PPARGC1A: variants seen among roughly 807,000 people sequenced by gnomAD.
PPARGC1A encodes the protein peroxisome proliferator-activated receptor gamma coactivator 1-alpha.
In PPARGC1A, 25 loss-of-function variants were observed where a neutral mutation model predicts 88.7. The observed-to-expected ratio is 0.28, with a 90% CI of 0.21 to 0.39. The LOEUF is 0.39. PPARGC1A is among the 10% of genes least tolerant of loss of function. The pLI, the probability that PPARGC1A is intolerant of heterozygous loss-of-function variation, is 1.00. For missense variants in PPARGC1A, 880 were observed against 968.7 expected (o/e 0.91, Z 1.22); for synonymous variants, 363 against 355.6 (o/e 1.02, Z -0.24).
the PPARGC1A span, among the ~76,000 whole-genome samples, chr4:23,955,956 A>G: frequency 6.6e-6 from 1 of 152,108 alleles, no homozygotes; most frequent in South Asian, 2.1e-4. Flanking sequence ...TGAGGTTCAT[A>G]TGTTCTCAAC....
chr4:24,290,697 C>T, the PPARGC1A span, among the ~76,000 whole-genome samples: 1 of 152,072 alleles, frequency 6.6e-6, no homozygotes, highest in Non-Finnish European at 1.5e-5. Context: ...TAGAATGATG[C>T]TTGGCACATA....
chr4:23,850,918 C>T (rs1729171642), intron 2 of PPARGC1A, among the ~76,000 whole-genome samples: 1 of 152,076 alleles, frequency 6.6e-6, no homozygotes. Flanking sequence ...ACTGTTTTAC[C>T]TTTATAGGTA....
chr4:23,802,309 G>T lies in PPARGC1A; in HGVS notation c.2056C>A (p.Pro686Thr). Residue 686 changes from proline to threonine, a missense_variant, in exon 11 of 13, where the codon CCT becomes ACT. Pro to Thr is a conservative substitution (Grantham distance 38). Coordinates refer to ENST00000264867, the MANE Select transcript of PPARGC1A (RefSeq NM_013261.5). ...RRVIYVGKIRPDTTRTELRDR... is the reference protein window; with the variant it reads ...RRVIYVGKIRTDTTRTELRDR... ...CTCAGTTCTGTCCGTGTTGTGTCAG[G>T]TCTGATTTTACCGACATAAATCACA... 6.2e-7 allele frequency: 1 copy of T among 1,613,594 alleles called. No individual in the cohort carries two copies. The highest frequency in any genetic ancestry group is 8.5e-7 in the Non-Finnish European group (1 of 1,179,862).
chr4:23,848,593 T>C (rs1263180938), intron 2 of PPARGC1A, among the ~76,000 whole-genome samples: 3 of 152,180 alleles, frequency 2.0e-5, no homozygotes, highest in African/African-American at 7.2e-5. Flanking sequence ...TAGCAATTGA[T>C]AGCAAAATAA....
intron 10 of PPARGC1A, among the ~76,000 whole-genome samples, chr4:23,812,385 C>G (rs61268259): frequency 6.6e-6 from 1 of 151,982 alleles, no homozygotes; most frequent in Non-Finnish European, 1.5e-5. Context: ...CCTCATTTTC[C>G]GCTCAAAGAG....
At chr4:23,820,621 T>C (rs1209923239) in intron 7 of PPARGC1A, 1 of 437,682 alleles carries the variant, frequency 2.3e-6, no homozygotes, top group African/African-American at 2.0e-5. Context: ...TATTTTGAAA[T>C]CAAATTAGTT....
the PPARGC1A span, among the ~76,000 whole-genome samples, chr4:23,936,115 T>C: frequency 2.0e-5 from 3 of 152,196 alleles, no homozygotes; most frequent in African/African-American, 7.2e-5. Flanking sequence ...AAGCTAATAT[T>C]ACCACAAAGC....
chr4:24,070,168 G>A, the PPARGC1A span, among the ~76,000 whole-genome samples: 14 of 152,196 alleles, frequency 9.2e-5, no homozygotes, highest in Non-Finnish European at 1.9e-4. Flanking sequence ...AAATGCAAAT[G>A]AGGGGCATCA....
At position 23,844,681 on chromosome 4, in the gene PPARGC1A, T is replaced by TATCATATATTATGATAG. The variant is rs1187194249; in HGVS notation, c.235-12931_235-12930insCTATCATAATATATGAT. Among the ~76,000 whole-genome samples the TATCATATATTATGATAG allele has an allele frequency of 3.7e-3, 379 of 102,292 alleles. 7 individuals carry two copies. Among genetic ancestry groups the TATCATATATTATGATAG allele is most frequent in the African/African-American group, 0.014 (336 of 23,626 alleles). The allele number at this position is 102,292 out of a possible 152,430, so 67.1% of individuals were successfully genotyped here. A position where few individuals can be genotyped will look rare whatever the true frequency, so the allele number is the denominator to read the frequency against. ...ATATATCATATATTATAATAATATA[T>TATCATATATTATGATAG]ATCATATAATATATGATCTATCATA... On this transcript the variant is annotated intron_variant, in intron 2 of 12. Transcript: ENST00000264867.
chr4:24,286,530 T>C, the PPARGC1A span, among the ~76,000 whole-genome samples: 1 of 152,080 alleles, frequency 6.6e-6, no homozygotes, highest in Non-Finnish European at 1.5e-5. Context: ...CTGGAAGCCT[T>C]TGGATTTGAG....
At chr4:23,951,301 G>A in the PPARGC1A span, among the ~76,000 whole-genome samples, 5 of 151,996 alleles carry the variant, frequency 3.3e-5, no homozygotes, top group Non-Finnish European at 5.9e-5. Context: ...CCAGGCAGAG[G>A]GAACAGCACA....
chr4:24,329,090 G>T, the PPARGC1A span, among the ~76,000 whole-genome samples: 1 of 151,974 alleles, frequency 6.6e-6, no homozygotes, highest in Non-Finnish European at 1.5e-5. Context: ...ATGCTATTAC[G>T]GGCTGACAAA....
the PPARGC1A span, among the ~76,000 whole-genome samples, chr4:24,058,702 T>C: frequency 2.0e-5 from 3 of 152,130 alleles, no homozygotes; most frequent in Admixed American, 2.0e-4. Context: ...ATCCCAGCAC[T>C]TTGGGAGGCA....
the PPARGC1A span, among the ~76,000 whole-genome samples, chr4:24,038,576 T>TG: frequency 6.6e-6 from 1 of 152,186 alleles, no homozygotes; most frequent in Non-Finnish European, 1.5e-5. Flanking sequence ...GCAATAACAT[T>TG]CTATATCCAG....
the PPARGC1A span, among the ~76,000 whole-genome samples, chr4:24,088,856 A>C: frequency 6.6e-6 from 1 of 152,188 alleles, no homozygotes; most frequent in Non-Finnish European, 1.5e-5. Flanking sequence ...AAAAGTGGGA[A>C]TAGGATAGGC....
the PPARGC1A span, among the ~76,000 whole-genome samples, chr4:24,058,894 G>A: frequency 2.0e-5 from 3 of 152,150 alleles, no homozygotes; most frequent in Non-Finnish European, 2.9e-5. Context: ...GCAGTGAGCC[G>A]AGATCATGCC....
the PPARGC1A span, among the ~76,000 whole-genome samples, chr4:23,992,977 T>C: frequency 6.6e-6 from 1 of 152,144 alleles, no homozygotes; most frequent in Non-Finnish European, 1.5e-5. Context: ...GTAACTAAAA[T>C]ACCGCTTATG....
At chr4:23,804,621 C>T (rs1474809812) in intron 10 of PPARGC1A, among the ~76,000 whole-genome samples, 1 of 152,204 alleles carries the variant, frequency 6.6e-6, no homozygotes, top group African/African-American at 2.4e-5. Context: ...ACAAGACCTA[C>T]AAGGCCCTGT....
chr4:24,025,020 A>G, the PPARGC1A span, among the ~76,000 whole-genome samples: 2 of 152,220 alleles, frequency 1.3e-5, no homozygotes, highest in African/African-American at 4.8e-5. Context: ...ACTGATAAAT[A>G]AACTCCTTCT....
Sources: gnomAD v4.1 joint callset for allele counts (sites outside exome capture counted in the v4.1 genomes callset) on GRCh38, gnomAD v4.1.1 for gene constraint, MANE v1.5 for transcripts, NCBI Gene and HGNC (gene_info 2026-07-23, HGNC 2026-07-21) for gene names.